Variants in WDR70 observed in about 807,000 individuals in gnomAD.
The protein encoded by WDR70 is WD repeat-containing protein 70.
Under a neutral mutation model 88.6 loss-of-function variants are expected in WDR70, and 53 were observed. That is an observed-to-expected ratio of 0.60 (90% CI 0.48 to 0.75). The LOEUF (loss-of-function observed/expected upper bound fraction) is 0.75. Ranked by LOEUF, WDR70 falls within the 30% of genes least tolerant of loss-of-function variation. The probability of loss-of-function intolerance (pLI) is 0.00; values close to 1 mark genes in which losing one functional copy is unlikely to be tolerated. For synonymous variants in WDR70, 280 were observed against 270.0 expected (o/e 1.04, Z -0.36); for missense variants, 610 against 823.2 (o/e 0.74, Z 3.17).
intron 7 of WDR70, among the ~76,000 whole-genome samples, chr5:37,448,274 A>G (rs1419381843): frequency 6.6e-6 from 1 of 152,098 alleles, no homozygotes; most frequent in African/African-American, 2.4e-5. Context: ...TTTAAAACTT[A>G]CTTGGTTTCT....
chr5:37,741,034 T>G (rs1484060394), intron 17 of WDR70, among the ~76,000 whole-genome samples: 1 of 152,166 alleles, frequency 6.6e-6, no homozygotes, highest in Non-Finnish European at 1.5e-5. Context: ...GTCTTTAAAT[T>G]TTATGTTTCT....
intron 9 of WDR70, among the ~76,000 whole-genome samples, chr5:37,560,012 A>G (rs1742451891): frequency 6.6e-6 from 1 of 152,128 alleles, no homozygotes; most frequent in South Asian, 2.1e-4. Context: ...GATTATGCTA[A>G]TAACTTTCAG....
intron 17 of WDR70, among the ~76,000 whole-genome samples, chr5:37,739,040 G>A (rs183515095): frequency 1.0e-3 from 157 of 152,274 alleles, no homozygotes; most frequent in African/African-American, 3.6e-3. Context: ...GGTAACTCTA[G>A]TAAACAAGTT....
intron 6 of WDR70, among the ~76,000 whole-genome samples, chr5:37,442,285 C>T (rs1750680066): frequency 6.6e-6 from 1 of 151,778 alleles, no homozygotes; most frequent in Non-Finnish European, 1.5e-5. Flanking sequence ...GATCCGCCCG[C>T]CTTAGCCTCC....
chr5:37,425,066 C>A (rs1253050124), intron 5 of WDR70, among the ~76,000 whole-genome samples: 1 of 152,166 alleles, frequency 6.6e-6, no homozygotes, highest in Non-Finnish European at 1.5e-5. Context: ...TGCAACATGG[C>A]AAAACCCTGT....
chr5:37,619,080 A>G (rs1190868372), intron 10 of WDR70, among the ~76,000 whole-genome samples: 1 of 152,220 alleles, frequency 6.6e-6, no homozygotes, highest in Non-Finnish European at 1.5e-5. Context: ...ATGATTTTAT[A>G]AAACGTATTT....
At chr5:37,381,750 T>C in intron 3 of WDR70, 65 bp downstream of exon 3, 1 of 1,521,926 alleles carries the variant, frequency 6.6e-7, no homozygotes, top group South Asian at 1.1e-5. Flanking sequence ...TGCAAGTATA[T>C]TAAAAAAGAG....
chr5:37,726,344 A>G (rs1747969772), intron 16 of WDR70, among the ~76,000 whole-genome samples: 1 of 152,138 alleles, frequency 6.6e-6, no homozygotes, highest in African/African-American at 2.4e-5. Flanking sequence ...TCACTATACT[A>G]GCTGCTAGAG....
chr5:37,383,464 G>C (rs1355601184), intron 3 of WDR70, among the ~76,000 whole-genome samples: 1 of 152,118 alleles, frequency 6.6e-6, no homozygotes, highest in Non-Finnish European at 1.5e-5. Flanking sequence ...GTTTCGCCAT[G>C]TTGGCCAGGC....
At chr5:37,386,476 G>A (rs1748620628) in intron 3 of WDR70, among the ~76,000 whole-genome samples, 1 of 152,042 alleles carries the variant, frequency 6.6e-6, no homozygotes, top group Non-Finnish European at 1.5e-5. Context: ...ATAGGCACGT[G>A]CCACCACCAC....
intron 7 of WDR70, among the ~76,000 whole-genome samples, chr5:37,455,865 G>T (rs914483811): frequency 1.3e-5 from 2 of 151,916 alleles, no homozygotes; most frequent in African/African-American, 4.8e-5. Flanking sequence ...TAGCCCCTTT[G>T]CAGTCAGTCC....
At chr5:37,567,883 A>G (rs887890949) in intron 9 of WDR70, among the ~76,000 whole-genome samples, 1 of 152,234 alleles carries the variant, frequency 6.6e-6, no homozygotes, top group African/African-American at 2.4e-5. Flanking sequence ...TTAGAGGGTC[A>G]TCCAGCAAAA....
At chr5:37,714,208 G>C (rs954041991) in intron 13 of WDR70, among the ~76,000 whole-genome samples, 5 of 152,122 alleles carry the variant, frequency 3.3e-5, no homozygotes, top group Non-Finnish European at 5.9e-5. Context: ...TGATTTCCAA[G>C]ATCTGATTAC....
intron 8 of WDR70, among the ~76,000 whole-genome samples, chr5:37,485,858 A>ATGTTTTTTTTTTTTTTTTTT (rs1739848569): frequency 9.2e-6 from 1 of 108,290 alleles, no homozygotes; most frequent in Non-Finnish European, 1.8e-5. Flanking sequence ...TGCCTGGCTA[A>ATGTTTTTTTTTTTTTTTTTT]TTTTTTTTTT....
intron 10 of WDR70, among the ~76,000 whole-genome samples, chr5:37,656,748 A>AG (rs1465886507): frequency 6.6e-6 from 1 of 152,152 alleles, no homozygotes; most frequent in Non-Finnish European, 1.5e-5. Context: ...TAAAACTGTG[A>AG]GGGGAAAACC....
chr5:37,419,850 T>A (rs928732940), intron 5 of WDR70, among the ~76,000 whole-genome samples: 1 of 152,156 alleles, frequency 6.6e-6, no homozygotes, highest in Non-Finnish European at 1.5e-5. Flanking sequence ...TTTTTCGCTT[T>A]GTTTGTTTCT....
At chr5:37,672,522 A>G (rs1017565157) in intron 10 of WDR70, among the ~76,000 whole-genome samples, 5 of 152,154 alleles carry the variant, frequency 3.3e-5, no homozygotes, top group Non-Finnish European at 7.4e-5. Context: ...ACTCTTTGCT[A>G]CACTGAGATG....
chr5:37,521,936 A>G (rs1741106204), intron 9 of WDR70, among the ~76,000 whole-genome samples: 1 of 152,174 alleles, frequency 6.6e-6, no homozygotes. Flanking sequence ...TTAGTTCTTT[A>G]AGTAATCTTC....
intron 7 of WDR70, among the ~76,000 whole-genome samples, chr5:37,470,177 A>G (rs1739283313): frequency 6.6e-6 from 1 of 152,040 alleles, no homozygotes; most frequent in African/African-American, 2.4e-5. Flanking sequence ...CCCTCAAACA[A>G]TTTCAACCAC....
Sources: allele counts gnomAD v4.1 joint callset (sites outside exome capture counted in the v4.1 genomes callset), GRCh38; gene constraint gnomAD v4.1.1; transcripts MANE v1.5; gene names NCBI Gene and HGNC (gene_info 2026-07-23, HGNC 2026-07-21).